FAM78A: variants seen among roughly 807,000 people sequenced by gnomAD.
FAM78A encodes protein FAM78A.
A neutral mutation model predicts 22.6 loss-of-function variants in FAM78A; 12 were observed. The observed-to-expected ratio is 0.53, with a 90% CI of 0.34 to 0.86. The LOEUF (loss-of-function observed/expected upper bound fraction) is 0.86. Ranked by LOEUF, FAM78A falls within the 40% of genes least tolerant of loss-of-function variation. FAM78A has a pLI of 0.02. For missense variants in FAM78A, 322 were observed against 396.1 expected (o/e 0.81, Z 1.59); for synonymous variants, 151 against 155.8 (o/e 0.97, Z 0.23).
In FAM78A at chr9:131,270,512, A is replaced by G. The variant is rs73545952; in HGVS notation, c.323+5345T>C. 1.1e-3 allele frequency: 799 copies of G among 715,682 alleles called. 4 individuals are homozygous for G. In the African/African-American group the frequency reaches 0.012, roughly 11 times the overall value. The allele number at this position is 715,682 out of a possible 1,614,324, so 44.3% of individuals were successfully genotyped here. A position where few individuals can be genotyped will look rare whatever the true frequency, so the allele number is the denominator to read the frequency against. Reference sequence around the variant, plus strand: ...TTGGAAGGTGGATGAGGGCTGCAGCAATCCCTTGGCCAGGGCTGGTCCTGG... The same window carrying G: ...TTGGAAGGTGGATGAGGGCTGCAGCGATCCCTTGGCCAGGGCTGGTCCTGG... On this transcript the variant is annotated intron_variant, in intron 1 of 1. Coordinates refer to ENST00000372271, the MANE Select transcript of FAM78A (RefSeq NM_033387.4).
At position 131,274,588 on chromosome 9, in the gene FAM78A, T is replaced by C. The variant is rs1429118564; in HGVS notation, c.323+1269A>G. On this transcript the variant is annotated intron_variant, in intron 1 of 1. Coordinates refer to ENST00000372271, the MANE Select transcript of FAM78A (RefSeq NM_033387.4). This position sits in a 1 kb window ranked among gnomAD's most constrained non-coding sequence, Gnocchi z 4.2. ...CTTTGGGACAGTCACTGTCACACGC[T>C]GGACTTAAGGGTTACTGTGATCCTC... is the stretch of plus-strand genomic sequence containing the variant. Among the ~76,000 whole-genome samples, 2 of 152,222 alleles carry C rather than the reference T, an allele frequency of 1.3e-5. No homozygotes were observed. The highest frequency in any genetic ancestry group is 2.9e-5 in the Non-Finnish European group (2 of 68,042).
rs1322080091 is a variant in FAM78A, at chr9:131,259,149, T to C, written c.*1673A>G. On this transcript the variant is annotated 3_prime_UTR_variant, in exon 2 of 2. Coordinates refer to ENST00000372271, the MANE Select transcript of FAM78A (RefSeq NM_033387.4). ...GACGGTTTTCTGTGCTTGATAATTA[T>C]TAGGCTGAGTGTGGGTCCCGGGCGG... is the stretch of plus-strand genomic sequence containing the variant. The C allele has an allele frequency of 6.5e-6, 1 of 152,694 alleles. No homozygotes were observed. Among genetic ancestry groups the C allele is most frequent in the African/African-American group, 2.4e-5 (1 of 41,462 alleles). 9.5% of individuals were successfully genotyped at this position (152,694 alleles called of 1,614,324 possible). A position where few individuals can be genotyped will look rare whatever the true frequency, so the allele number is the denominator to read the frequency against.
chr9:131,266,334 C>T (rs1439767183), intron 1 of FAM78A, among the ~76,000 whole-genome samples: 1 of 152,210 alleles, frequency 6.6e-6, no homozygotes, highest in African/African-American at 2.4e-5. Context: ...CGTGTGTGCA[C>T]ACGTGCACAG....
At chr9:131,263,203 C>A (rs1197311678) in intron 1 of FAM78A, among the ~76,000 whole-genome samples, 1 of 143,672 alleles carries the variant, frequency 7.0e-6, no homozygotes, top group Non-Finnish European at 1.5e-5. Context: ...CACACCACTG[C>A]ACTCCAGCCT....
chr9:131,264,545 T>C, intron 1 of FAM78A: 1 of 714,912 alleles, frequency 1.4e-6, no homozygotes, highest in Non-Finnish European at 2.6e-6. Context: ...AACATCTGCC[T>C]GCCCGGTTTT....
At chr9:131,269,101 CAAA>C (rs34943494) in intron 1 of FAM78A, among the ~76,000 whole-genome samples, 8 of 89,782 alleles carry the variant, frequency 8.9e-5, no homozygotes, top group South Asian at 3.6e-4. Flanking sequence ...AACTTCGTCT[CAAA>C]AAAAAAAAAA....
chr9:131,278,157 C>T (rs916320289), upstream of FAM78A, among the ~76,000 whole-genome samples: 19 of 151,858 alleles, frequency 1.3e-4, no homozygotes, highest in African/African-American at 4.1e-4. Context: ...CGCTCCCCCT[C>T]GCTCCCTGTC....
chr9:131,266,121 G>C (rs1835341094), intron 1 of FAM78A, among the ~76,000 whole-genome samples: 1 of 152,118 alleles, frequency 6.6e-6, no homozygotes, highest in African/African-American at 2.4e-5. Flanking sequence ...CGCCCCTCCA[G>C]GCTGTGCCCC....
At position 131,260,807 on chromosome 9, in the gene FAM78A, G is replaced by C. The variant is rs80327720; in HGVS notation, c.*15C>G. On this transcript the variant is annotated 3_prime_UTR_variant, in exon 2 of 2. Transcript: ENST00000372271. The surrounding 1 kb of genome is among the most constrained non-coding windows in gnomAD (Gnocchi z 5.4). ...TTATTATTTGTGAGTCTAACCTAGC[G>C]GGTGGTCCTGGCTGTCACCGGTGCT... 9.2e-6 allele frequency: 14 copies of C among 1,513,738 alleles called. No individual in the cohort carries two copies. The highest frequency in any genetic ancestry group is 1.2e-5 in the Non-Finnish European group (14 of 1,132,370). 93.8% of individuals were successfully genotyped at this position (1,513,738 alleles called of 1,614,324 possible).
Position 131,276,207 on chromosome 9 carries a change from T to C in FAM78A, c.-28A>G. 2 of 1,580,036 alleles carry C rather than the reference T, an allele frequency of 1.3e-6. No homozygotes were observed. Among genetic ancestry groups the C allele is most frequent in the Non-Finnish European group, 1.7e-6 (2 of 1,158,680 alleles). Reference sequence around the variant, plus strand: ...AAAGGACAGAGGCTGCAGGACCCAGTACAGACGGCGCTGCTCTCCAATCTC... The same window carrying C: ...AAAGGACAGAGGCTGCAGGACCCAGCACAGACGGCGCTGCTCTCCAATCTC... On this transcript the variant is annotated 5_prime_UTR_variant, in exon 1 of 2. Transcript: ENST00000372271. The surrounding 1 kb of genome is among the most constrained non-coding windows in gnomAD (Gnocchi z 4.3).
chr9:131,268,828 G>T (rs1486018379), intron 1 of FAM78A, among the ~76,000 whole-genome samples: 1 of 151,712 alleles, frequency 6.6e-6, no homozygotes, highest in Non-Finnish European at 1.5e-5. Context: ...GGGAGGCGGA[G>T]CTTGCAGTGA....
upstream of FAM78A, among the ~76,000 whole-genome samples, chr9:131,278,649 C>T (rs1218414647): frequency 1.3e-5 from 2 of 152,188 alleles, no homozygotes; most frequent in Non-Finnish European, 2.9e-5. Flanking sequence ...TCCTTCCCCC[C>T]GTCCCCCCGC....
chr9:131,266,098 C>T (rs570346080), intron 1 of FAM78A, among the ~76,000 whole-genome samples: 31 of 152,302 alleles, frequency 2.0e-4, no homozygotes, highest in African/African-American at 7.2e-4. Context: ...CAGCGCCATC[C>T]TGGACTCTCC....
At chr9:131,279,754 G>A (rs76778323), upstream of FAM78A, among the ~76,000 whole-genome samples, 1,068 of 152,316 alleles carry the variant, frequency 7.0e-3, 17 homozygotes, top group African/African-American at 0.025. Flanking sequence ...TGTGTCAGGC[G>A]TTACATTGAG....
At position 131,261,860 on chromosome 9, in the gene FAM78A, AC is replaced by A. The variant is rs1269781318; in HGVS notation, c.324-511del. Among the ~76,000 whole-genome samples, 3 of 152,130 alleles carry A rather than the reference AC, an allele frequency of 2.0e-5. No individual in the cohort carries two copies. The highest frequency in any genetic ancestry group is 7.2e-5 in the African/African-American group (3 of 41,422). Reference sequence around the variant, plus strand: ...GGCACCTGTAACAGGGAAGCTCAGGACACCCTGCGCCCACTGCGCCTTCTGC... The same window carrying A: ...GGCACCTGTAACAGGGAAGCTCAGGAACCCTGCGCCCACTGCGCCTTCTGC... On this transcript the variant is annotated intron_variant, in intron 1 of 1. Transcript: ENST00000372271. The surrounding 1 kb of genome is among the most constrained non-coding windows in gnomAD (Gnocchi z 7.1).
intron 1 of FAM78A, among the ~76,000 whole-genome samples, chr9:131,263,299 A>C (rs1363420745): frequency 6.6e-6 from 1 of 151,972 alleles, no homozygotes; most frequent in African/African-American, 2.4e-5. Context: ...GAAGGCTGCA[A>C]AACAATTTGA....
rs780076193 is a variant in FAM78A, at chr9:131,275,986, C to T, written c.194G>A (p.Arg65Gln). ...DESSSVVLRYRTPHFRASAQV... is the reference protein window; with the variant it reads ...DESSSVVLRYQTPHFRASAQV... ...GGCCGAGGCCCGGAAGTGGGGTGTC[C>T]GGTAGCGGAGCACCACGCTGGAGGA... Residue 65 changes from arginine (R) to glutamine (Q), a missense_variant, in exon 1 of 2, where the codon CGG becomes CAG. Arg to Gln is a conservative substitution (Grantham distance 43). Coordinates refer to ENST00000372271, the MANE Select transcript of FAM78A (RefSeq NM_033387.4). The surrounding 1 kb of genome is among the most constrained non-coding windows in gnomAD (Gnocchi z 4.6). 3.7e-6 allele frequency: 6 copies of T among 1,613,484 alleles called. No individual in the cohort carries two copies. Among genetic ancestry groups the T allele is most frequent in the African/African-American group, 1.3e-5 (1 of 74,922 alleles).
upstream of FAM78A, among the ~76,000 whole-genome samples, chr9:131,276,775 A>C (rs2131199505): frequency 6.6e-6 from 1 of 151,136 alleles, no homozygotes; most frequent in African/African-American, 2.4e-5. The surrounding 1 kb of genome is among the most constrained non-coding windows in gnomAD (Gnocchi z 4.3). Context: ...CTCGCCGGTG[A>C]CGGGGGAGCG....
chr9:131,274,653 C>A lies in FAM78A; in HGVS notation c.323+1204G>T, dbSNP rs1416032905. On this transcript the variant is annotated intron_variant, in intron 1 of 1. Coordinates refer to ENST00000372271, the MANE Select transcript of FAM78A (RefSeq NM_033387.4). The surrounding 1 kb of genome is among the most constrained non-coding windows in gnomAD (Gnocchi z 4.2). Reference sequence around the variant, plus strand: ...ACTTTGGAGTCATTAAGTAGAGAAGCCACCAGACTTGGTGTCCCGCCATCC... The same window carrying A: ...ACTTTGGAGTCATTAAGTAGAGAAGACACCAGACTTGGTGTCCCGCCATCC... 6.6e-6 allele frequency among the ~76,000 whole-genome samples: 1 copy of A among 152,208 alleles called. No individual in the cohort carries two copies. Among genetic ancestry groups the A allele is most frequent in the African/African-American group, 2.4e-5 (1 of 41,446 alleles).
Sources: gnomAD v4.1 joint callset for allele counts (sites outside exome capture counted in the v4.1 genomes callset) on GRCh38, gnomAD v4.1.1 for gene constraint, Gnocchi (gnomAD v3.1) non-coding constraint, MANE v1.5 for transcripts, NCBI Gene and HGNC (gene_info 2026-07-23, HGNC 2026-07-21) for gene names.